Variants in CLEC12A observed in about 807,000 individuals in gnomAD.
CLEC12A encodes the protein C-type lectin domain family 12 member A.
CLEC12A carries 22 observed loss-of-function variants against 26.5 expected under a neutral mutation model. The ratio of observed to expected loss-of-function variants is 0.83; its 90% confidence interval spans 0.59 to 1.19. The LOEUF is 1.19. Ranked by LOEUF, CLEC12A falls within the 50% of genes most tolerant of loss-of-function variation. The probability of loss-of-function intolerance (pLI) is 0.00; values close to 1 mark genes in which losing one functional copy is unlikely to be tolerated. For synonymous variants in CLEC12A, 119 were observed against 101.9 expected, an observed-to-expected ratio of 1.17 and a Z score of -1.01; for missense variants, 353 against 315.6, an observed-to-expected ratio of 1.12 and a Z score of -0.90.
At chr12:9,951,501 G>T in intron 1 of CLEC12A, 5 of 663,614 alleles carry the variant, frequency 7.5e-6, no homozygotes, top group Non-Finnish European at 1.4e-5. Context: ...CACTCTTGGG[G>T]CTTGTTAGTA....
downstream of CLEC12A, chr12:9,998,306 C>A (rs374147676): frequency 3.7e-6 from 6 of 1,613,844 alleles, no homozygotes; most frequent in Non-Finnish European, 5.1e-6. Flanking sequence ...GCCACCAGCC[C>A]GACAACCATC....
chr12:9,996,744 G>T, downstream of CLEC12A: 2 of 1,202,040 alleles, frequency 1.7e-6, no homozygotes, highest in Non-Finnish European at 2.5e-6. Context: ...AGTACAAACT[G>T]AAAGATGTTA....
Position 9,982,081 on chromosome 12 carries a change from A to G in CLEC12A, c.593A>G (p.Asp198Gly), listed in dbSNP as rs1864580698. 5 of 1,602,288 alleles carry G rather than the reference A, an allele frequency of 3.1e-6. No individual in the cohort carries two copies. Among genetic ancestry groups the G allele is most frequent in the Non-Finnish European group, 4.3e-6 (5 of 1,170,034 alleles). Reference protein sequence around the residue: ...DYWLGLSPEEDSTRGMRVDNI... With the variant: ...DYWLGLSPEEGSTRGMRVDNI... ...TGGCTGGGATTATCTCCTGAAGAAG[A>G]TTCCACTCGTGGTATGAGAGTGGAT... The change falls in exon 5 of 6, where the codon GAT becomes GGT. Residue 198 changes from aspartate to glycine, a missense_variant. Transcript: ENST00000304361.
At chr12:9,990,703 C>A (rs1864872329) in intron 4 of CLEC12A, among the ~76,000 whole-genome samples, 1 of 152,182 alleles carries the variant, frequency 6.6e-6, no homozygotes, top group Non-Finnish European at 1.5e-5. Context: ...GGACTGACTT[C>A]AATTTTGAAA....
At position 9,965,442 on chromosome 12, in the gene CLEC12A, C is replaced by T. The variant is rs547967494; in HGVS notation, c.11-6135C>T. On this transcript the variant is annotated intron_variant, in intron 1 of 6. Coordinates refer to the CLEC12A transcript ENST00000355690. ...AATGGGGGCTGTCTGTGAAGCCTTG[C>T]GGCAATACAGCCTAGGTAATTTGCT... 1.3e-3 allele frequency among the ~76,000 whole-genome samples: 192 copies of T among 150,474 alleles called. 1 individual carries two copies. Among genetic ancestry groups the T allele is most frequent in the African/African-American group, 4.4e-3 (179 of 40,680 alleles).
intron 5 of CLEC12A, chr12:9,983,634 C>A: frequency 1.6e-6 from 1 of 625,924 alleles, no homozygotes; most frequent in South Asian, 1.8e-5. Flanking sequence ...GGAGACAGCT[C>A]TGAGTCAACT....
chr12:9,955,090 T>C (rs995622321), intron 1 of CLEC12A, among the ~76,000 whole-genome samples: 2 of 152,180 alleles, frequency 1.3e-5, no homozygotes, highest in Non-Finnish European at 2.9e-5. Context: ...TTTTACTTTA[T>C]GTTTCTTTTT....
chr12:9,973,816 C>A (rs1565555644), intron 1 of CLEC12A, among the ~76,000 whole-genome samples: 1 of 151,920 alleles, frequency 6.6e-6, no homozygotes, highest in East Asian at 1.9e-4. Flanking sequence ...TTTTTCCTTT[C>A]TCTCCTGTGT....
chr12:9,989,967 A>G (rs1565567140), downstream of CLEC12A, among the ~76,000 whole-genome samples: 1 of 152,220 alleles, frequency 6.6e-6, no homozygotes, highest in African/African-American at 2.4e-5. Context: ...TGACGTCTAG[A>G]TGAAAGCACA....
At chr12:9,986,534 G>C (rs1181297005), downstream of CLEC12A, among the ~76,000 whole-genome samples, 1 of 152,056 alleles carries the variant, frequency 6.6e-6, no homozygotes, top group East Asian at 1.9e-4. Context: ...GCAAGGGTTG[G>C]GTATGGTGGC....
At chr12:9,963,745 C>A (rs894089227) in intron 1 of CLEC12A, among the ~76,000 whole-genome samples, 1 of 151,942 alleles carries the variant, frequency 6.6e-6, no homozygotes, top group Non-Finnish European at 1.5e-5. Context: ...AGACCTTGTG[C>A]GAGGCAAAAC....
intron 1 of CLEC12A, chr12:9,953,021 G>T (rs1211465739): frequency 7.5e-6 from 1 of 133,178 alleles, no homozygotes; most frequent in Non-Finnish European, 1.6e-5. Context: ...CCGCCCGGCA[G>T]CCACCCCATC....
At chr12:9,968,455 G>A (rs1332481126), upstream of CLEC12A, among the ~76,000 whole-genome samples, 5 of 152,238 alleles carry the variant, frequency 3.3e-5, no homozygotes, top group Middle Eastern at 3.4e-3. Context: ...GTTCTCTGGC[G>A]GGCAGGAGTG....
chr12:10,003,036 C>T, the CLEC12A span, among the ~76,000 whole-genome samples: 1 of 152,116 alleles, frequency 6.6e-6, no homozygotes. Context: ...ATGTTGACCA[C>T]TGTGGGTGTT....
chr12:9,963,250 G>A (rs150244847), intron 1 of CLEC12A, among the ~76,000 whole-genome samples: 1,657 of 152,004 alleles, frequency 0.011, 21 homozygotes, highest in South Asian at 0.029. Flanking sequence ...AAGTTTTTGG[G>A]CTCTATCCTT....
chr12:9,969,372 C>T (rs1248024192), upstream of CLEC12A, among the ~76,000 whole-genome samples: 1 of 152,106 alleles, frequency 6.6e-6, no homozygotes, highest in Non-Finnish European at 1.5e-5. Context: ...ATACATACAA[C>T]TATTTTGTAT....
intron 1 of CLEC12A, among the ~76,000 whole-genome samples, chr12:9,956,985 T>TA (rs35840099): frequency 0.31 from 47,768 of 152,026 alleles, 7,949 homozygotes; most frequent in East Asian, 0.47. Context: ...AACTAATTTT[T>TA]AAAAAAGCAA....
intron 1 of CLEC12A, among the ~76,000 whole-genome samples, chr12:9,955,155 C>T (rs1323131691): frequency 1.3e-5 from 2 of 152,144 alleles, no homozygotes; most frequent in African/African-American, 2.4e-5. Flanking sequence ...GGCCCGATCT[C>T]GGCTCACTGC....
chr12:9,995,016 A>G (rs754435691), intron 4 of CLEC12A: 2 of 1,572,930 alleles, frequency 1.3e-6, no homozygotes, highest in South Asian at 2.2e-5. Context: ...TGTTTGAATT[A>G]GCAGGTAAGT....
Sources: allele counts gnomAD v4.1 joint callset (sites outside exome capture counted in the v4.1 genomes callset), GRCh38; gene constraint gnomAD v4.1.1; transcripts MANE v1.5; gene names NCBI Gene and HGNC (gene_info 2026-07-23, HGNC 2026-07-21).